NRG1: variants seen among roughly 807,000 people sequenced by gnomAD.
NRG1 encodes the protein pro-neuregulin-1, membrane-bound isoform.
In NRG1, 18 loss-of-function variants were observed where a neutral mutation model predicts 63.8. The ratio of observed to expected loss-of-function variants is 0.28; its 90% CI spans 0.19 to 0.42. The LOEUF (loss-of-function observed/expected upper bound fraction) is 0.42, where lower values mean the gene tolerates loss of function less well. NRG1 is among the 10% of genes least tolerant of loss of function. NRG1 has a pLI of 1.00. For synonymous variants in NRG1, 302 were observed against 301.3 expected (o/e 1.00, Z -0.02); for missense variants, 762 against 814.7 (o/e 0.94, Z 0.79).
At chr8:31,761,109 A>G (rs1448330560) in intron 1 of NRG1, among the ~76,000 whole-genome samples, 1 of 152,198 alleles carries the variant, frequency 6.6e-6, no homozygotes, top group Non-Finnish European at 1.5e-5. Flanking sequence ...ACACCATGGA[A>G]TACTATGCAG....
intron 1 of NRG1, among the ~76,000 whole-genome samples, chr8:32,092,648 G>A (rs975783415): frequency 1.3e-5 from 2 of 152,018 alleles, no homozygotes; most frequent in Non-Finnish European, 2.9e-5. Context: ...TCTGGGAGTT[G>A]TAATTTTTCA....
intron 1 of NRG1, among the ~76,000 whole-genome samples, chr8:31,963,937 C>T (rs946221662): frequency 6.6e-6 from 1 of 152,150 alleles, no homozygotes; most frequent in African/African-American, 2.4e-5. Flanking sequence ...AAGTTTGATC[C>T]TGTTGGTAAC....
chr8:32,254,948 A>C (rs932495034), intron 1 of NRG1, among the ~76,000 whole-genome samples: 2 of 152,154 alleles, frequency 1.3e-5, no homozygotes, highest in South Asian at 4.1e-4. Flanking sequence ...TTACCATTAC[A>C]TAATGCCCTT....
intron 1 of NRG1, among the ~76,000 whole-genome samples, chr8:32,485,513 G>A (rs1825800428): frequency 6.6e-6 from 1 of 151,894 alleles, no homozygotes; most frequent in Middle Eastern, 3.2e-3. Flanking sequence ...TCCACCCCAC[G>A]AACTCCTCAA....
chr8:31,919,339 T>C lies in NRG1; in HGVS notation c.37+279908T>C, dbSNP rs139010237. 2.8e-3 allele frequency among the ~76,000 whole-genome samples: 419 copies of C among 152,106 alleles called. 2 individuals carry two copies. Among genetic ancestry groups the C allele is most frequent in the African/African-American group, 9.3e-3 (386 of 41,538 alleles). On this transcript the variant is annotated intron_variant, in intron 1 of 10. Transcript: ENST00000519301. Reference sequence around the variant, plus strand: ...GTTTCTTTGAATATTTCATTCCACTTACGCTTTTCAACCAAATACAATAAA... The same window carrying C: ...GTTTCTTTGAATATTTCATTCCACTCACGCTTTTCAACCAAATACAATAAA...
At chr8:32,149,131 G>A (rs1406261395) in intron 1 of NRG1, among the ~76,000 whole-genome samples, 41 of 152,136 alleles carry the variant, frequency 2.7e-4, no homozygotes, top group Non-Finnish European at 2.9e-5. Flanking sequence ...AATTTTTCCT[G>A]CTTCTCCAAA....
chr8:31,750,800 T>A (rs1017751999), intron 1 of NRG1, among the ~76,000 whole-genome samples: 2 of 152,106 alleles, frequency 1.3e-5, no homozygotes, highest in South Asian at 4.1e-4. Context: ...ATAGGGGATT[T>A]GACCTGTCAT....
chr8:32,189,461 C>G (rs1344876042), intron 1 of NRG1, among the ~76,000 whole-genome samples: 1 of 152,138 alleles, frequency 6.6e-6, no homozygotes, highest in Non-Finnish European at 1.5e-5. Flanking sequence ...TATGTAGAAC[C>G]TAACAGAGCA....
intron 1 of NRG1, among the ~76,000 whole-genome samples, chr8:31,854,835 G>T (rs1031346850): frequency 1.3e-5 from 2 of 152,210 alleles, no homozygotes; most frequent in Admixed American, 6.5e-5. Context: ...TGGTTTCAAA[G>T]AACATCTTTA....
At chr8:32,186,535 A>G (rs1196579045) in intron 1 of NRG1, among the ~76,000 whole-genome samples, 1 of 152,138 alleles carries the variant, frequency 6.6e-6, no homozygotes, top group African/African-American at 2.4e-5. Context: ...TTGTAGGGTC[A>G]TGAATTTCAA....
intron 1 of NRG1, among the ~76,000 whole-genome samples, chr8:31,985,238 G>A (rs2129631459): frequency 6.6e-6 from 1 of 152,156 alleles, no homozygotes; most frequent in African/African-American, 2.4e-5. Context: ...ATAGGTAGGG[G>A]AAATTGATTC....
chr8:32,427,430 A>T (rs1459086413), intron 1 of NRG1, among the ~76,000 whole-genome samples: 2 of 151,942 alleles, frequency 1.3e-5, no homozygotes, highest in Non-Finnish European at 2.9e-5. Flanking sequence ...AATTTAAAAA[A>T]CCTCTAAAGA....
At chr8:31,976,916 C>G (rs748032048) in intron 1 of NRG1, among the ~76,000 whole-genome samples, 9 of 152,096 alleles carry the variant, frequency 5.9e-5, no homozygotes, top group Non-Finnish European at 1.2e-4. Flanking sequence ...ATTCATATCT[C>G]TTGATTATCC....
At chr8:32,226,993 G>A (rs902996994) in intron 1 of NRG1, among the ~76,000 whole-genome samples, 3 of 152,164 alleles carry the variant, frequency 2.0e-5, no homozygotes, top group Non-Finnish European at 4.4e-5. Flanking sequence ...TTTGTTTATT[G>A]TTTGAGAAAG....
At chr8:32,512,600 C>T (rs7829125) in intron 1 of NRG1, among the ~76,000 whole-genome samples, 22,532 of 151,904 alleles carry the variant, frequency 0.15, 3,186 homozygotes, top group East Asian at 0.63. Context: ...TTTCCTAGTG[C>T]CTTTTATTGA....
At chr8:32,233,564 T>TATATATATATATATATATA (rs1554660618) in intron 1 of NRG1, among the ~76,000 whole-genome samples, 9 of 27,158 alleles carry the variant, frequency 3.3e-4, no homozygotes, top group African/African-American at 1.5e-3. Flanking sequence ...TATATATATA[T>TATATATATATATATATATA]TTTTTTTTTT....
chr8:31,859,970 C>T (rs559354621), intron 1 of NRG1, among the ~76,000 whole-genome samples: 7 of 152,318 alleles, frequency 4.6e-5, no homozygotes, highest in Non-Finnish European at 7.4e-5. Flanking sequence ...ACAACCCCCT[C>T]TAGCAAAACC....
chr8:32,558,163 C>T (rs1317051471), intron 1 of NRG1, among the ~76,000 whole-genome samples: 2 of 152,172 alleles, frequency 1.3e-5, no homozygotes, highest in African/African-American at 4.8e-5. Flanking sequence ...GTGGCCTCTA[C>T]GGAGTCATCG....
At chr8:32,747,174 G>C (rs918778153) in intron 7 of NRG1, among the ~76,000 whole-genome samples, 2 of 152,112 alleles carry the variant, frequency 1.3e-5, no homozygotes, top group Admixed American at 6.6e-5. Context: ...TAATTTTATT[G>C]AAGACTTAAC....
Sources: gnomAD v4.1 joint callset for allele counts (sites outside exome capture counted in the v4.1 genomes callset) on GRCh38, gnomAD v4.1.1 for gene constraint, MANE v1.5 for transcripts, NCBI Gene and HGNC (gene_info 2026-07-23, HGNC 2026-07-21) for gene names.